LINGO2: variants seen among roughly 807,000 people sequenced by gnomAD.
LINGO2 encodes leucine rich repeat and Ig domain containing 2.
LINGO2 carries 14 observed loss-of-function variants against 30.6 expected under a neutral mutation model. The ratio of observed to expected loss-of-function variants is 0.46; its 90% CI spans 0.30 to 0.72. The LOEUF (loss-of-function observed/expected upper bound fraction) is 0.72, where lower values mean the gene tolerates loss of function less well. Among genes scored for constraint, LINGO2 ranks in the 30% least tolerant of loss-of-function variants. The pLI is 0.07. For missense variants in LINGO2, 729 were observed against 751.7 expected (o/e 0.97, Z 0.35); for synonymous variants, 317 against 288.5 (o/e 1.10, Z -1.00).
At chr9:28,054,346 A>G (rs1327671452) in intron 4 of LINGO2, among the ~76,000 whole-genome samples, 1 of 152,078 alleles carries the variant, frequency 6.6e-6, no homozygotes, top group Non-Finnish European at 1.5e-5. Context: ...GGCTATTTTT[A>G]ACACTTTTAC....
the LINGO2 span, among the ~76,000 whole-genome samples, chr9:28,793,375 C>G: frequency 6.6e-6 from 1 of 152,160 alleles, no homozygotes; most frequent in African/African-American, 2.4e-5. Context: ...AGAATTCAGG[C>G]TACATTTTCC....
chr9:28,892,596 A>G, the LINGO2 span, among the ~76,000 whole-genome samples: 1 of 152,016 alleles, frequency 6.6e-6, no homozygotes, highest in African/African-American at 2.4e-5. Context: ...AATGATAATG[A>G]CATAATTAAA....
At chr9:28,250,327 A>C (rs1405127170) in intron 4 of LINGO2, among the ~76,000 whole-genome samples, 1 of 152,196 alleles carries the variant, frequency 6.6e-6, no homozygotes, top group Non-Finnish European at 1.5e-5. Context: ...TACAAAAGAA[A>C]CATACGAAGT....
intron 4 of LINGO2, among the ~76,000 whole-genome samples, chr9:28,093,901 T>C (rs1369044470): frequency 6.6e-6 from 1 of 152,080 alleles, no homozygotes; most frequent in Non-Finnish European, 1.5e-5. Flanking sequence ...AATCTGACCA[T>C]GGCCACTTTT....
intron 1 of LINGO2, among the ~76,000 whole-genome samples, chr9:28,617,513 T>TTA (rs1346346097): frequency 6.6e-6 from 1 of 152,080 alleles, no homozygotes; most frequent in Non-Finnish European, 1.5e-5. Context: ...GTCAGGATGG[T>TTA]CTCGATCTCC....
chr9:28,293,065 C>A (rs1346105977), intron 4 of LINGO2, among the ~76,000 whole-genome samples: 1 of 151,978 alleles, frequency 6.6e-6, no homozygotes, highest in African/African-American at 2.4e-5. Flanking sequence ...AGCCACCGCA[C>A]CCGGCTGGCC....
At chr9:28,050,575 C>G (rs76562123) in intron 4 of LINGO2, among the ~76,000 whole-genome samples, 2,440 of 150,728 alleles carry the variant, frequency 0.016, 174 homozygotes, top group African/African-American at 0.056. Context: ...CCTCCATACT[C>G]CAGAATAACA....
chr9:28,290,124 T>C (rs1479445034), intron 4 of LINGO2, among the ~76,000 whole-genome samples: 1 of 152,142 alleles, frequency 6.6e-6, no homozygotes, highest in Admixed American at 6.5e-5. Flanking sequence ...GAACCAAAGC[T>C]GAGAGAAGTT....
intron 5 of LINGO2, among the ~76,000 whole-genome samples, chr9:27,951,076 G>A (rs774664581): frequency 1.2e-4 from 18 of 152,132 alleles, no homozygotes; most frequent in Admixed American, 3.9e-4. Context: ...AAAGAAACAG[G>A]TCAACAGCTA....
At chr9:28,654,748 A>G (rs377653825) in intron 1 of LINGO2, among the ~76,000 whole-genome samples, 1 of 152,206 alleles carries the variant, frequency 6.6e-6, no homozygotes, top group South Asian at 2.1e-4. Context: ...GACTGTCTAG[A>G]TTTGACTCAC....
chr9:28,859,132 G>C, the LINGO2 span, among the ~76,000 whole-genome samples: 1 of 152,074 alleles, frequency 6.6e-6, no homozygotes, highest in Non-Finnish European at 1.5e-5. Flanking sequence ...TTCTGAAGGA[G>C]AGTAATTTTC....
At chr9:28,948,650 C>T in the LINGO2 span, among the ~76,000 whole-genome samples, 15 of 151,988 alleles carry the variant, frequency 9.9e-5, no homozygotes, top group African/African-American at 3.6e-4. Flanking sequence ...TAGGTCTATA[C>T]CCTTTAATAG....
At chr9:28,845,153 C>T in the LINGO2 span, among the ~76,000 whole-genome samples, 1,797 of 151,738 alleles carry the variant, frequency 0.012, 41 homozygotes, top group African/African-American at 0.022. Context: ...TAATCATTTA[C>T]GGTAGGAAAA....
At chr9:28,614,943 C>T (rs1007803779) in intron 1 of LINGO2, among the ~76,000 whole-genome samples, 1 of 152,052 alleles carries the variant, frequency 6.6e-6, no homozygotes, top group African/African-American at 2.4e-5. Flanking sequence ...TTCTATTAGC[C>T]TCCAACCTTA....
chr9:29,160,093 GTT>G, the LINGO2 span, among the ~76,000 whole-genome samples: 741 of 152,296 alleles, frequency 4.9e-3, 6 homozygotes, highest in African/African-American at 0.017. Flanking sequence ...CACCTAAAGA[GTT>G]TATTCAAACA....
At chr9:28,773,522 C>T in the LINGO2 span, among the ~76,000 whole-genome samples, 23 of 152,122 alleles carry the variant, frequency 1.5e-4, no homozygotes, top group African/African-American at 5.5e-4. Flanking sequence ...TGTGCTGAAA[C>T]GTCAACATTT....
At chr9:28,568,953 C>T (rs1228667611) in intron 1 of LINGO2, among the ~76,000 whole-genome samples, 1 of 151,956 alleles carries the variant, frequency 6.6e-6, no homozygotes, top group African/African-American at 2.4e-5. Context: ...GAATACTCAA[C>T]ACTCCCAATA....
At chr9:28,629,759 G>C (rs1181343168) in intron 1 of LINGO2, among the ~76,000 whole-genome samples, 1 of 151,848 alleles carries the variant, frequency 6.6e-6, no homozygotes, top group Non-Finnish European at 1.5e-5. Flanking sequence ...AGAAAACTAA[G>C]ATAAAAGGCA....
At chr9:28,204,005 T>C (rs912578091) in intron 4 of LINGO2, among the ~76,000 whole-genome samples, 1 of 152,168 alleles carries the variant, frequency 6.6e-6, no homozygotes, top group Non-Finnish European at 1.5e-5. Flanking sequence ...ACAGAGTATA[T>C]ACAATCTTTT....
Sources: allele counts gnomAD v4.1 joint callset (sites outside exome capture counted in the v4.1 genomes callset), GRCh38; gene constraint gnomAD v4.1.1; transcripts MANE v1.5; gene names NCBI Gene and HGNC (gene_info 2026-07-23, HGNC 2026-07-21).